SH3D19: variants seen among roughly 807,000 people sequenced by gnomAD.
SH3D19 encodes SH3 domain containing 19.
SH3D19 carries 58 observed loss-of-function variants against 112.1 expected under a neutral mutation model. The observed-to-expected ratio is 0.52, with a 90% CI of 0.42 to 0.64. SH3D19 has a LOEUF of 0.64. Among genes scored for constraint, SH3D19 ranks in the 30% least tolerant of loss-of-function variants. SH3D19 has a pLI of 0.00. For missense variants in SH3D19, 1,090 were observed against 1,263.4 expected (o/e 0.86, Z 2.08); for synonymous variants, 391 against 448.5 (o/e 0.87, Z 1.62).
chr4:151,283,369 G>T (rs1419324534), intron 1 of SH3D19: 14 of 1,286,712 alleles, frequency 1.1e-5, no homozygotes, highest in Admixed American at 1.9e-5. Context: ...AATAACAGTG[G>T]ATTGGGAGTC....
intron 9 of SH3D19, among the ~76,000 whole-genome samples, chr4:151,154,128 AT>A (rs547926242): frequency 1.9e-3 from 209 of 108,722 alleles, no homozygotes; most frequent in Middle Eastern, 6.4e-3. Context: ...CACCCGGCTG[AT>A]TTTTTTTTTT....
chr4:151,226,476 A>C, intron 1 of SH3D19: 2 of 989,356 alleles, frequency 2.0e-6, no homozygotes, highest in Non-Finnish European at 2.4e-6. Context: ...GGTTGGCAGA[A>C]GCTTCTAACA....
In SH3D19 at chr4:151,132,388, AT is replaced by A; in HGVS notation, c.2690-6del. 6.2e-7 allele frequency: 1 copy of A among 1,613,416 alleles called. No individual in the cohort carries two copies. The highest frequency in any genetic ancestry group is 8.5e-7 in the Non-Finnish European group (1 of 1,179,634). On this transcript the variant is annotated splice_region_variant and splice_polypyrimidine_tract_variant and intron_variant, in intron 16 of 19. Transcript: ENST00000604030. ...TTTTCAGTGGTACCTTTGTGCCTAC[AT>A]TAAAAAAACAAACAAACACAAGAAG...
chr4:151,325,579 C>A lies in SH3D19; in HGVS notation c.-227G>T. On this transcript the variant is annotated 5_prime_UTR_variant, in exon 1 of 20. Coordinates refer to ENST00000604030, the MANE Select transcript of SH3D19 (RefSeq NM_001378122.1). ...GCCGAGCCGATTCCCCGCCTCCTTG[C>A]GGCGTCCCGGCGGCCTCTTAATCCC... 7.5e-6 allele frequency: 2 copies of A among 267,152 alleles called. No homozygotes were observed. Among genetic ancestry groups the A allele is most frequent in the Admixed American group, 5.4e-5 (1 of 18,460 alleles). 16.5% of individuals were successfully genotyped at this position (267,152 alleles called of 1,614,324 possible). A position where few individuals can be genotyped will look rare whatever the true frequency, so the allele number is the denominator to read the frequency against.
chr4:151,325,600 A>C lies in SH3D19; in HGVS notation c.-248T>G. Reference sequence around the variant, plus strand: ...CTTGCGGCGTCCCGGCGGCCTCTTAATCCCTGGCCTTTCCCACTCCCACTC... The same window carrying C: ...CTTGCGGCGTCCCGGCGGCCTCTTACTCCCTGGCCTTTCCCACTCCCACTC... On this transcript the variant is annotated 5_prime_UTR_variant, in exon 1 of 20. Coordinates refer to ENST00000604030, the MANE Select transcript of SH3D19 (RefSeq NM_001378122.1). 1 of 243,176 alleles carries C rather than the reference A, an allele frequency of 4.1e-6. No individual in the cohort carries two copies. The allele number at this position is 243,176 out of a possible 1,614,324, so 15.1% of individuals were successfully genotyped here.
At chr4:151,312,336 C>T (rs932530786) in intron 1 of SH3D19, among the ~76,000 whole-genome samples, 7 of 152,162 alleles carry the variant, frequency 4.6e-5, no homozygotes, top group Non-Finnish European at 7.3e-5. Flanking sequence ...CAATCAACAT[C>T]ATATTTTTAA....
At chr4:151,266,629 T>C (rs979049835) in intron 1 of SH3D19, among the ~76,000 whole-genome samples, 4 of 152,304 alleles carry the variant, frequency 2.6e-5, no homozygotes, top group South Asian at 2.1e-4. Context: ...TCCCTTGAAT[T>C]TGATCTCTTC....
intron 9 of SH3D19, among the ~76,000 whole-genome samples, chr4:151,158,519 C>A (rs1046337358): frequency 6.6e-6 from 1 of 151,950 alleles, no homozygotes; most frequent in African/African-American, 2.4e-5. Context: ...AGGCTCGTCT[C>A]GAACTCCTGA....
chr4:151,266,744 C>G lies in SH3D19; in HGVS notation c.113-40658G>C, dbSNP rs146212483. On this transcript the variant is annotated intron_variant, in intron 1 of 19. Transcript: ENST00000604030. ...GTCATGTTGCTTATGGAAGACCTGCCTAAGTGAATTCTCTGGATAACATGA... is the reference window on the plus strand; with the variant it reads ...GTCATGTTGCTTATGGAAGACCTGCGTAAGTGAATTCTCTGGATAACATGA... Among the ~76,000 whole-genome samples the G allele has an allele frequency of 2.3e-3, 344 of 152,278 alleles. 3 individuals carry two copies. The highest frequency in any genetic ancestry group is 0.014 in the Middle Eastern group (4 of 294).
At chr4:151,165,276 A>T (rs534755656) in intron 8 of SH3D19, among the ~76,000 whole-genome samples, 8 of 152,160 alleles carry the variant, frequency 5.3e-5, no homozygotes, top group Non-Finnish European at 1.2e-4. Flanking sequence ...CGGGAGGCAG[A>T]GGGTGCAGTG....
Position 151,122,031 on chromosome 4 carries a change from A to G in SH3D19, c.*60T>C. 1 of 811,384 alleles carries G rather than the reference A, an allele frequency of 1.2e-6. No homozygotes were observed. Among genetic ancestry groups the G allele is most frequent in the Non-Finnish European group, 2.1e-6 (1 of 477,638 alleles). 50.3% of individuals were successfully genotyped at this position (811,384 alleles called of 1,614,324 possible). ...AAAAAATAGTGCAAAAACATATCTG[A>G]TAGTCAAGGTGATAGTTCAAGTGAG... On this transcript the variant is annotated 3_prime_UTR_variant, in exon 20 of 20. Transcript: ENST00000604030.
At chr4:151,271,199 T>C (rs1164307622) in intron 1 of SH3D19, among the ~76,000 whole-genome samples, 2 of 152,178 alleles carry the variant, frequency 1.3e-5, no homozygotes, top group Non-Finnish European at 2.9e-5. Flanking sequence ...GGCCTAGGAT[T>C]ATAGGCATGA....
intron 1 of SH3D19, among the ~76,000 whole-genome samples, chr4:151,321,560 A>G (rs1730537165): frequency 6.6e-6 from 1 of 152,196 alleles, no homozygotes; most frequent in African/African-American, 2.4e-5. Flanking sequence ...AAGTCCTATA[A>G]GTTAGCCTGT....
chr4:151,292,988 C>T (rs910528758), intron 1 of SH3D19, among the ~76,000 whole-genome samples: 8 of 151,862 alleles, frequency 5.3e-5, no homozygotes, highest in Non-Finnish European at 1.0e-4. Context: ...GGCATGGTGG[C>T]GGGTGCCTGT....
rs1751083683 is a variant in SH3D19, at chr4:151,133,121, C to T, written c.2602G>A (p.Gly868Arg). The T allele has an allele frequency of 6.2e-7, 1 of 1,614,050 alleles. No individual in the cohort carries two copies. The highest frequency in any genetic ancestry group is 1.1e-5 in the South Asian group (1 of 91,094). The stretch of plus-strand genomic sequence containing the variant: ...ATCCCAGTTCTGCCTCGAACTTCTC[C>T]TCTGGCCCATTCCTCATTCACATAC... The part of the protein sequence containing the change: ...KEYVNEEWAR[G>R]EVRGRTGIFP... Residue 868 changes from glycine to arginine, a missense_variant, in exon 16 of 20, where the codon GGA becomes AGA. Physicochemically the swap from Gly to Arg is moderately radical, Grantham distance 125 (BLOSUM62 -2). Transcript: ENST00000604030.
At chr4:151,135,674 C>T (rs922679408) in intron 14 of SH3D19, among the ~76,000 whole-genome samples, 4 of 152,030 alleles carry the variant, frequency 2.6e-5, no homozygotes, top group Admixed American at 6.6e-5. Context: ...AGCAATCTGC[C>T]TGCCTTAGCC....
chr4:151,285,329 T>G (rs80278913), intron 1 of SH3D19, among the ~76,000 whole-genome samples: 1,675 of 152,322 alleles, frequency 0.011, 10 homozygotes, highest in Non-Finnish European at 0.018. Flanking sequence ...CCATGGAACA[T>G]TCTCCAGAAT....
chr4:151,320,901 A>G (rs1730467717), intron 1 of SH3D19, among the ~76,000 whole-genome samples: 1 of 152,188 alleles, frequency 6.6e-6, no homozygotes, highest in East Asian at 1.9e-4. Context: ...TTAGCTGGGC[A>G]TGGTGGCATG....
chr4:151,149,394 A>G lies in SH3D19; in HGVS notation c.1817+106T>C, dbSNP rs533120704. On this transcript the variant is annotated intron_variant, in intron 10 of 19. Coordinates refer to ENST00000604030, the MANE Select transcript of SH3D19 (RefSeq NM_001378122.1). ...TGCGTGAAATCGGTGAGATTATTTT[A>G]TCTCTAAAAAAAGATTCAAGGCCAA... 14 of 860,548 alleles carry G rather than the reference A, an allele frequency of 1.6e-5. No homozygotes were observed. In the East Asian group the frequency reaches 3.4e-4, roughly 21 times the overall value. 53.3% of individuals were successfully genotyped at this position (860,548 alleles called of 1,614,324 possible).
Sources: gnomAD v4.1 joint callset for allele counts (sites outside exome capture counted in the v4.1 genomes callset) on GRCh38, gnomAD v4.1.1 for gene constraint, MANE v1.5 for transcripts, NCBI Gene and HGNC (gene_info 2026-07-23, HGNC 2026-07-21) for gene names.